Variants in AMY2A observed in about 807,000 individuals in gnomAD.
AMY2A encodes amylase alpha 2A, also known as pancreatic alpha-amylase.
A neutral mutation model predicts 43.0 loss-of-function variants in AMY2A; 16 were observed. That is an observed-to-expected ratio of 0.37 (90% CI 0.25 to 0.56). The LOEUF (loss-of-function observed/expected upper bound fraction) is 0.56. Ranked by LOEUF, AMY2A falls within the 20% of genes least tolerant of loss-of-function variation. The probability of loss-of-function intolerance (pLI) is 0.77; values close to 1 mark genes in which losing one functional copy is unlikely to be tolerated. For synonymous variants in AMY2A, 70 were observed against 144.6 expected, an observed-to-expected ratio of 0.48 and a Z score of 3.70; for missense variants, 212 against 456.8, an observed-to-expected ratio of 0.46 and a Z score of 4.89.
upstream of AMY2A, chr1:103,617,037 G>C (rs915104739): frequency 9.7e-7 from 1 of 1,027,722 alleles, no homozygotes; most frequent in Admixed American, 5.0e-5. Flanking sequence ...ACCTTGAGTT[G>C]GAAGGGGTTC....
chr1:103,617,310 A>G (rs1653103610), upstream of AMY2A: 11 of 1,504,048 alleles, frequency 7.3e-6, no homozygotes, highest in African/African-American at 1.4e-5. Flanking sequence ...TATTATTGAT[A>G]ATCCTTTTCA....
chr1:103,617,179 A>G (rs1325271618), upstream of AMY2A: 6 of 1,021,410 alleles, frequency 5.9e-6, no homozygotes, highest in Non-Finnish European at 8.2e-6. Flanking sequence ...GGCCCCAGCA[A>G]CAGGTCACTG....
intron 3 of AMY2A, 136 bp from the exon 4 acceptor site, chr1:103,619,418 G>A (rs1653170774): frequency 2.1e-5 from 24 of 1,117,642 alleles, no homozygotes; most frequent in Non-Finnish European, 3.1e-5. Flanking sequence ...TAGAATGTGA[G>A]CATCCCCAGT....
rs755310448 is a variant in AMY2A at position 103,619,884 on chromosome 1, G to C, written c.744+100G>C. ...GCAATTTCTGTAGGATAAGGAATGA[G>C]ACATTTACATAAAACAGTGTTCTTT... is the stretch of plus-strand genomic sequence containing the variant. On this transcript the variant is annotated intron_variant, in intron 4 of 9. Coordinates refer to ENST00000414303, the MANE Select transcript of AMY2A (RefSeq NM_000699.4). 67 of 1,525,304 alleles carry C rather than the reference G, an allele frequency of 4.4e-5. No homozygotes were observed. The South Asian group carries it at 7.0e-4, about 16-fold the overall frequency. The allele number at this position is 1,525,304 out of a possible 1,614,324, so 94.5% of individuals were successfully genotyped here.
At chr1:103,618,456 A>G (rs1378156252) in intron 2 of AMY2A, among the ~76,000 whole-genome samples, 3 of 150,650 alleles carry the variant, frequency 2.0e-5, no homozygotes, top group Non-Finnish European at 1.5e-5. Flanking sequence ...TCCATCCGTA[A>G]TTCTTGGGTT....
upstream of AMY2A, chr1:103,617,241 A>G (rs1653101576): frequency 8.1e-7 from 1 of 1,229,266 alleles, no homozygotes; most frequent in African/African-American, 1.5e-5. Context: ...ATTAATATCT[A>G]AAAGGTCATT....
At chr1:103,616,901 TG>T, upstream of AMY2A, 1 of 769,170 alleles carries the variant, frequency 1.3e-6, no homozygotes, top group Non-Finnish European at 1.6e-6. Flanking sequence ...GTCTAGAGGC[TG>T]GTAAGGGCTT....
At chr1:103,617,086 T>G, upstream of AMY2A, 1 of 1,009,452 alleles carries the variant, frequency 9.9e-7, no homozygotes, top group South Asian at 2.2e-5. Flanking sequence ...TTTTAATTTA[T>G]GTAAAGTTTT....
At chr1:103,618,660 C>T (rs1653147365) in intron 2 of AMY2A, among the ~76,000 whole-genome samples, 2 of 150,592 alleles carry the variant, frequency 1.3e-5, no homozygotes, top group Admixed American at 1.3e-4. Context: ...GCATTTCCTC[C>T]TATTTATGGT....
chr1:103,618,903 T>C lies in AMY2A; in HGVS notation c.316-8T>C, dbSNP rs576557506. 273 of 1,106,096 alleles carry C rather than the reference T, an allele frequency of 2.5e-4. 8 individuals carry two copies. The highest frequency in any genetic ancestry group is 3.9e-4 in the East Asian group (15 of 38,456). The allele number at this position is 1,106,096 out of a possible 1,614,324, so 68.5% of individuals were successfully genotyped here. A position where few individuals can be genotyped will look rare whatever the true frequency, so the allele number is the denominator to read the frequency against. On this transcript the variant is annotated splice_region_variant and splice_polypyrimidine_tract_variant and intron_variant, in intron 2 of 9. Transcript: ENST00000414303. Reference sequence around the variant, plus strand: ...AAGTCACACTGAAGTAGAAACTTTGTTTTCTAGGTTCGTATTTATGTGGAT... The same window carrying C: ...AAGTCACACTGAAGTAGAAACTTTGCTTTCTAGGTTCGTATTTATGTGGAT...
At chr1:103,617,868 T>A (rs548401049) in intron 1 of AMY2A, 86 bp from the exon 2 acceptor site, 3 of 1,584,986 alleles carry the variant, frequency 1.9e-6, no homozygotes, top group South Asian at 2.3e-5. Flanking sequence ...TTCAAGAATC[T>A]TTTATACTAT....
intron 1 of AMY2A, 113 bp from the exon 2 acceptor site, chr1:103,617,841 A>G: frequency 6.4e-7 from 1 of 1,555,762 alleles, no homozygotes; most frequent in East Asian, 2.2e-5. Flanking sequence ...TTCAAGAGAT[A>G]GCTGCCTATA....
chr1:103,624,844 C>T (rs1289296654), intron 9 of AMY2A, among the ~76,000 whole-genome samples: 1 of 130,314 alleles, frequency 7.7e-6, no homozygotes, highest in Non-Finnish European at 1.7e-5. Flanking sequence ...TTACCTGAAG[C>T]ATAAATGATT....
chr1:103,619,144 T>G, intron 3 of AMY2A, 36 bp downstream of exon 3: 1 of 704,206 alleles, frequency 1.4e-6, no homozygotes, highest in Non-Finnish European at 2.2e-6. Flanking sequence ...AATAAAAGAG[T>G]AATATATGCC....
At chr1:103,617,910 A>C (rs377675258) in intron 1 of AMY2A, 44 bp from the exon 2 acceptor site, 1 of 1,599,814 alleles carries the variant, frequency 6.3e-7, no homozygotes, top group Admixed American at 1.7e-5. Flanking sequence ...AATGATACAC[A>C]GTAAGACAGA....
upstream of AMY2A, chr1:103,616,870 G>A: frequency 2.0e-6 from 1 of 504,634 alleles, no homozygotes; most frequent in Non-Finnish European, 2.6e-6. Flanking sequence ...TAATGTGTCA[G>A]GGCTGAGTGT....
In AMY2A at chr1:103,623,196, T is replaced by C. The variant is rs1257344417; in HGVS notation, c.1102-670T>C. 1.9e-5 allele frequency among the ~76,000 whole-genome samples: 2 copies of C among 105,092 alleles called. 1 individual carries two copies. The highest frequency in any genetic ancestry group is 4.2e-5 in the Non-Finnish European group (2 of 47,656). 68.9% of individuals were successfully genotyped at this position (105,092 alleles called of 152,430 possible). On this transcript the variant is annotated intron_variant, in intron 7 of 9. Coordinates refer to ENST00000414303, the MANE Select transcript of AMY2A (RefSeq NM_000699.4). ...AAATGAAGAAACTGAGACACAGAGATATTAAGTGTATTGATTAAATTTTCT... is the reference window on the plus strand; with the variant it reads ...AAATGAAGAAACTGAGACACAGAGACATTAAGTGTATTGATTAAATTTTCT...
intron 3 of AMY2A, among the ~76,000 whole-genome samples, 164 bp downstream of exon 3, chr1:103,619,272 TTC>T (rs1390718098): frequency 5.3e-5 from 8 of 149,906 alleles, no homozygotes; most frequent in African/African-American, 1.9e-4. Flanking sequence ...TTTAAGAACT[TTC>T]AAATATTGAT....
At chr1:103,616,864 G>A (rs950860050), upstream of AMY2A, 1 of 428,878 alleles carries the variant, frequency 2.3e-6, no homozygotes, top group African/African-American at 2.1e-5. Flanking sequence ...GGGTATTAAT[G>A]TGTCAGGGCT....
Sources: allele counts gnomAD v4.1 joint callset (sites outside exome capture counted in the v4.1 genomes callset), GRCh38; gene constraint gnomAD v4.1.1; transcripts MANE v1.5; gene names NCBI Gene and HGNC (gene_info 2026-07-23, HGNC 2026-07-21).